Variants in RNF14 observed in about 807,000 individuals in gnomAD.
RNF14 encodes the protein E3 ubiquitin-protein ligase RNF14.
RNF14 carries 26 observed loss-of-function variants against 52.6 expected under a neutral mutation model. That is an observed-to-expected ratio of 0.49 (90% CI 0.36 to 0.69). The LOEUF is 0.69. Among genes scored for constraint, RNF14 ranks in the 30% least tolerant of loss-of-function variants. RNF14 has a pLI of 0.00. For missense variants in RNF14, 404 were observed against 560.4 expected (o/e 0.72, Z 2.82); for synonymous variants, 194 against 202.0 (o/e 0.96, Z 0.34).
chr5:141,970,123 G>A (rs1753613387), intron 1 of RNF14, among the ~76,000 whole-genome samples: 1 of 152,084 alleles, frequency 6.6e-6, no homozygotes, highest in East Asian at 1.9e-4. Context: ...ATAATTTTAG[G>A]GTGTTGATAG....
intron 1 of RNF14, chr5:141,958,977 C>G (rs1352462714): frequency 6.6e-6 from 1 of 152,422 alleles, no homozygotes; most frequent in African/African-American, 2.4e-5. Flanking sequence ...CCTGCCCACA[C>G]TGACTTATGA....
At chr5:141,957,955 C>T (rs971210898), upstream of RNF14, 4 of 1,330,584 alleles carry the variant, frequency 3.0e-6, no homozygotes, top group East Asian at 2.3e-5. This position sits in a 1 kb window ranked among gnomAD's most constrained non-coding sequence, Gnocchi z 4.3. Flanking sequence ...CGTGCTCCTT[C>T]CCCCAGAGCT....
At chr5:141,958,081 G>A (rs888195812), upstream of RNF14, 7 of 560,766 alleles carry the variant, frequency 1.2e-5, no homozygotes, top group Non-Finnish European at 1.6e-5. Context: ...GAATTGCCAG[G>A]GGAGACCCCC....
chr5:141,965,996 G>A (rs1022327331), upstream of RNF14, among the ~76,000 whole-genome samples: 77 of 146,226 alleles, frequency 5.3e-4, 1 homozygote, highest in South Asian at 0.015. Context: ...AAAAAAAAAA[G>A]TGGCCCAGGC....
At chr5:141,961,998 A>C (rs145005441), upstream of RNF14, among the ~76,000 whole-genome samples, 603 of 151,770 alleles carry the variant, frequency 4.0e-3, 4 homozygotes, top group African/African-American at 0.012. Context: ...AGCTTTGGGG[A>C]AGCCAAGAAG....
In RNF14 at chr5:141,990,115, A is replaced by G. The variant is rs866293891; in HGVS notation, c.*2325A>G. 6.6e-6 allele frequency: 1 copy of G among 152,172 alleles called. No homozygotes were observed. The highest frequency in any genetic ancestry group is 2.1e-4 in the South Asian group (1 of 4,832). The allele number at this position is 152,172 out of a possible 1,614,324, so 9.4% of individuals were successfully genotyped here. A position where few individuals can be genotyped will look rare whatever the true frequency, so the allele number is the denominator to read the frequency against. The stretch of plus-strand genomic sequence containing the variant: ...CAAAGAAAATAGGGCTTATAAAGTT[A>G]TACTTTTGAAGCATGAGTTATGAGC... On this transcript the variant is annotated 3_prime_UTR_variant, in exon 9 of 9. Transcript: ENST00000394520.
upstream of RNF14, chr5:141,956,587 T>A (rs1433786364): frequency 3.7e-6 from 6 of 1,614,252 alleles, no homozygotes; most frequent in South Asian, 6.6e-5. Flanking sequence ...TTTGGGCCAC[T>A]GCTCTCTGTC....
intron 1 of RNF14, chr5:141,958,585 A>C (rs937938341): frequency 6.6e-6 from 1 of 152,010 alleles, no homozygotes; most frequent in Non-Finnish European, 1.5e-5. Flanking sequence ...AATCTTGTTT[A>C]CCTCTCTGTC....
intron 8 of RNF14, among the ~76,000 whole-genome samples, chr5:141,986,627 C>T (rs1324257239): frequency 2.0e-5 from 3 of 152,046 alleles, no homozygotes; most frequent in Admixed American, 6.6e-5. Context: ...CTGTTTTGTT[C>T]GTTTGTTTTA....
chr5:141,965,620 G>A (rs1753328451), upstream of RNF14, among the ~76,000 whole-genome samples: 1 of 152,204 alleles, frequency 6.6e-6, no homozygotes, highest in African/African-American at 2.4e-5. Flanking sequence ...TCAGACTGAT[G>A]AGGAATCGGC....
At chr5:141,966,317 C>T (rs532941213), upstream of RNF14, among the ~76,000 whole-genome samples, 35 of 152,258 alleles carry the variant, frequency 2.3e-4, no homozygotes, top group Non-Finnish European at 4.3e-4. Flanking sequence ...AAGTATAATA[C>T]ACCTGACTTC....
At chr5:141,976,454 A>G (rs907392989) in intron 4 of RNF14, among the ~76,000 whole-genome samples, 2 of 152,204 alleles carry the variant, frequency 1.3e-5, no homozygotes, top group African/African-American at 4.8e-5. Context: ...GAGTTGTTTT[A>G]TGTGTTACAG....
rs756676710 is a variant in RNF14 at position 141,978,553 on chromosome 5, G to A, written c.557G>A (p.Arg186Lys). ...GACCAAGAGGAAATTGTGGATGAGA[G>A]AGCAGTGCAGGATGTGGAATCACTG... is the stretch of plus-strand genomic sequence containing the variant. ...DVDQEEIVDERAVQDVESLSN... is the reference protein window; with the variant it reads ...DVDQEEIVDEKAVQDVESLSN... The change falls in exon 5 of 9, where the codon AGA (arginine) becomes AAA (lysine). Residue 186 changes from arginine to lysine, a missense_variant. Arg to Lys is a conservative substitution (Grantham distance 26, BLOSUM62 2). Coordinates refer to ENST00000394520, the MANE Select transcript of RNF14 (RefSeq NM_004290.5). 1 of 1,614,138 alleles carries A rather than the reference G, an allele frequency of 6.2e-7. No homozygotes were observed. The highest frequency in any genetic ancestry group is 8.5e-7 in the Non-Finnish European group (1 of 1,180,008).
intron 8 of RNF14, among the ~76,000 whole-genome samples, chr5:141,986,868 G>A (rs959197750): frequency 2.0e-5 from 3 of 152,242 alleles, no homozygotes; most frequent in African/African-American, 7.2e-5. Context: ...ATGTGCAGTT[G>A]AGCTTCATTA....
At chr5:141,969,394 C>G (rs1753529404) in intron 1 of RNF14, 1 of 152,338 alleles carries the variant, frequency 6.6e-6, no homozygotes, top group South Asian at 2.1e-4. Context: ...AGGTGTGGGC[C>G]CTGCTCCTTC....
rs1561551179 is a variant in RNF14, at chr5:141,978,343, AAC to A, written c.350_351del (p.His117ProfsTer14). On this transcript the variant is annotated frameshift_variant, in exon 5 of 9. Transcript: ENST00000394520. LOFTEE classifies it high-confidence loss of function. The stretch of plus-strand genomic sequence containing the variant: ...AAGCACTTAGACAACCTATGGGAAG[AAC>A]ACCGTGGCAGCGTGGTCCTGTTTGC... 1 of 1,612,794 alleles carries A rather than the reference AAC, an allele frequency of 6.2e-7. No homozygotes were observed. Among genetic ancestry groups the A allele is most frequent in the East Asian group, 2.2e-5 (1 of 44,864 alleles).
At position 141,969,140 on chromosome 5, in the gene RNF14, CG is replaced by C. The variant is rs1170820585; in HGVS notation, c.-207del. 6.6e-6 allele frequency: 1 copy of C among 152,402 alleles called. No individual in the cohort carries two copies. The highest frequency in any genetic ancestry group is 6.5e-5 in the Admixed American group (1 of 15,274). 9.4% of individuals were successfully genotyped at this position (152,402 alleles called of 1,614,324 possible). On this transcript the variant is annotated 5_prime_UTR_variant, in exon 1 of 9. Transcript: ENST00000394520. ...GAGGCGGCGCGCCGGTTGAGCAGGG[CG>C]TCTCTAGGCCTGGTCGGCTGGCGGC...
chr5:141,973,241 CTTT>C (rs11385874), intron 2 of RNF14, among the ~76,000 whole-genome samples: 1 of 141,104 alleles, frequency 7.1e-6, no homozygotes, highest in Admixed American at 7.1e-5. Context: ...ATTTTCTTTT[CTTT>C]TTTTTTTTTT....
upstream of RNF14, chr5:141,955,856 G>A (rs747993960): frequency 8.1e-6 from 13 of 1,614,024 alleles, no homozygotes; most frequent in Admixed American, 8.3e-5. The surrounding 1 kb of genome is among the most constrained non-coding windows in gnomAD (Gnocchi z 5.5). Context: ...CTCCCAATGA[G>A]GCTGCTGGCA....
Sources: gnomAD v4.1 joint callset for allele counts (sites outside exome capture counted in the v4.1 genomes callset) on GRCh38, gnomAD v4.1.1 for gene constraint, Gnocchi (gnomAD v3.1) non-coding constraint, MANE v1.5 for transcripts, NCBI Gene and HGNC (gene_info 2026-07-23, HGNC 2026-07-21) for gene names.